Variants in OR6N1 observed in about 807,000 individuals in gnomAD.
The protein encoded by OR6N1 is olfactory receptor family 6 subfamily N member 1.
For synonymous variants in OR6N1, 170 were observed against 150.7 expected (o/e 1.13, Z -0.94); for missense variants, 394 against 371.7 (o/e 1.06, Z -0.49).
chr1:158,813,321 C>T, the OR6N1 span, among the ~76,000 whole-genome samples: 1 of 152,008 alleles, frequency 6.6e-6, no homozygotes, highest in African/African-American at 2.4e-5. Flanking sequence ...CAGAGTTGTT[C>T]ACTGTAGTTC....
upstream of OR6N1, chr1:158,776,699 T>A: frequency 6.2e-7 from 1 of 1,603,876 alleles, no homozygotes; most frequent in Non-Finnish European, 8.5e-7. Flanking sequence ...TGAGCAAGAC[T>A]AGCTTTATCT....
the OR6N1 span, among the ~76,000 whole-genome samples, chr1:158,838,395 T>C: frequency 1.3e-5 from 2 of 152,094 alleles, no homozygotes; most frequent in Admixed American, 1.3e-4. Context: ...ACACTTGAAA[T>C]GTATTGTCCC....
chr1:158,792,622 T>C, the OR6N1 span, among the ~76,000 whole-genome samples: 8 of 152,228 alleles, frequency 5.3e-5, no homozygotes, highest in Non-Finnish European at 1.2e-4. Context: ...ATTTTATTTC[T>C]CCTTCATTTA....
chr1:158,819,903 C>G, the OR6N1 span, among the ~76,000 whole-genome samples: 2 of 152,128 alleles, frequency 1.3e-5, no homozygotes, highest in African/African-American at 4.8e-5. Context: ...CCTAACCCAG[C>G]AGCACTAGAG....
At chr1:158,768,695 ATC>A (rs1052182229) in intron 1 of OR6N1, among the ~76,000 whole-genome samples, 2 of 152,072 alleles carry the variant, frequency 1.3e-5, no homozygotes, top group African/African-American at 4.8e-5. Context: ...TTGTTCTAGA[ATC>A]TCTTTCACCA....
Position 158,765,731 on chromosome 1 carries a change from T to G in OR6N1, c.*13A>C, listed in dbSNP as rs901325487. The G allele has an allele frequency of 6.2e-7, 1 of 1,602,598 alleles. No individual in the cohort carries two copies. On this transcript the variant is annotated 3_prime_UTR_variant, in exon 2 of 2. Coordinates refer to ENST00000641846, the MANE Select transcript of OR6N1 (RefSeq NM_001005185.2). ...ATCCTCAGGCCCGGCCTTGGCCTAC[T>G]CTCAGCCCCAACTCATGCCAATATC...
chr1:158,796,624 C>CT, the OR6N1 span, among the ~76,000 whole-genome samples: 1 of 151,958 alleles, frequency 6.6e-6, no homozygotes, highest in Non-Finnish European at 1.5e-5. Flanking sequence ...TTCTAAATTG[C>CT]TTTTTTGTAT....
the OR6N1 span, among the ~76,000 whole-genome samples, chr1:158,801,069 C>A: frequency 0.062 from 9,393 of 152,154 alleles, 347 homozygotes; most frequent in African/African-American, 0.097. Flanking sequence ...TCCTTCCCAC[C>A]ACTTTTCATG....
chr1:158,825,533 A>G, the OR6N1 span, among the ~76,000 whole-genome samples: 1 of 152,158 alleles, frequency 6.6e-6, no homozygotes, highest in Non-Finnish European at 1.5e-5. Context: ...AATTCTCAAC[A>G]TCACTAATAA....
chr1:158,816,739 G>T, the OR6N1 span, among the ~76,000 whole-genome samples: 2 of 152,170 alleles, frequency 1.3e-5, no homozygotes, highest in African/African-American at 2.4e-5. Context: ...TAACCAAAAA[G>T]TGGCAACACT....
the OR6N1 span, among the ~76,000 whole-genome samples, chr1:158,825,766 C>T: frequency 2.0e-5 from 3 of 152,166 alleles, no homozygotes; most frequent in Non-Finnish European, 4.4e-5. Flanking sequence ...CCAGCAATCC[C>T]ATTATTGGGT....
At chr1:158,794,093 A>G in the OR6N1 span, among the ~76,000 whole-genome samples, 20 of 152,106 alleles carry the variant, frequency 1.3e-4, no homozygotes, top group Admixed American at 7.2e-4. Context: ...CCTGGAGGGC[A>G]CTCCTCCTAT....
chr1:158,778,954 G>C, the OR6N1 span, among the ~76,000 whole-genome samples: 22 of 145,842 alleles, frequency 1.5e-4, no homozygotes, highest in Admixed American at 2.8e-4. Flanking sequence ...GGGAGGTGGA[G>C]CTTGCAGTGA....
the OR6N1 span, among the ~76,000 whole-genome samples, chr1:158,816,076 T>G: frequency 6.7e-6 from 1 of 149,116 alleles, no homozygotes; most frequent in African/African-American, 2.5e-5. Flanking sequence ...GAGAATGGTG[T>G]GAACCCAGGA....
chr1:158,773,556 T>A (rs1357334116), upstream of OR6N1, among the ~76,000 whole-genome samples: 1 of 152,198 alleles, frequency 6.6e-6, no homozygotes, highest in Non-Finnish European at 1.5e-5. Context: ...AACTGACTCC[T>A]CTAACAAAGA....
chr1:158,791,796 C>T, the OR6N1 span, among the ~76,000 whole-genome samples: 13 of 152,234 alleles, frequency 8.5e-5, no homozygotes, highest in Admixed American at 8.5e-4. Context: ...TTTATTGAGA[C>T]TTCTTTTCTG....
the OR6N1 span, among the ~76,000 whole-genome samples, chr1:158,782,489 T>A: frequency 6.6e-6 from 1 of 152,230 alleles, no homozygotes; most frequent in Non-Finnish European, 1.5e-5. Context: ...ATTGACTCAC[T>A]GCAATGTGGG....
At chr1:158,799,755 A>G in the OR6N1 span, among the ~76,000 whole-genome samples, 1 of 152,154 alleles carries the variant, frequency 6.6e-6, no homozygotes, top group African/African-American at 2.4e-5. Flanking sequence ...ATGAAACCCA[A>G]ACTTACTTCT....
the OR6N1 span, among the ~76,000 whole-genome samples, chr1:158,821,355 A>G: frequency 6.6e-6 from 1 of 152,170 alleles, no homozygotes; most frequent in Non-Finnish European, 1.5e-5. Context: ...ATTAAGGTTC[A>G]CTCTTGCTAT....
Sources: gnomAD v4.1 joint callset for allele counts (sites outside exome capture counted in the v4.1 genomes callset) on GRCh38, gnomAD v4.1.1 for gene constraint, MANE v1.5 for transcripts, NCBI Gene and HGNC (gene_info 2026-07-23, HGNC 2026-07-21) for gene names.